Variants in KCTD16 observed in about 807,000 individuals in gnomAD.
The protein encoded by KCTD16 is potassium channel tetramerization domain containing 16.
In KCTD16, 13 loss-of-function variants were observed where a neutral mutation model predicts 33.2. The ratio of observed to expected loss-of-function variants is 0.39; its 90% CI spans 0.25 to 0.62. KCTD16 has a LOEUF of 0.62. Ranked by LOEUF, KCTD16 falls within the 20% of genes least tolerant of loss-of-function variation. The probability of loss-of-function intolerance (pLI) is 0.50; values close to 1 mark genes in which losing one functional copy is unlikely to be tolerated. For missense variants in KCTD16, 441 were observed against 525.1 expected (o/e 0.84, Z 1.57); for synonymous variants, 197 against 195.3 (o/e 1.01, Z -0.07).
chr5:144,244,775 A>G (rs1407464478), intron 3 of KCTD16, among the ~76,000 whole-genome samples: 1 of 152,180 alleles, frequency 6.6e-6, no homozygotes, highest in Non-Finnish European at 1.5e-5. Context: ...TCAGAATTCT[A>G]ACCTTAACTT....
intron 3 of KCTD16, among the ~76,000 whole-genome samples, chr5:144,347,256 T>C (rs1432789306): frequency 2.6e-5 from 4 of 152,140 alleles, no homozygotes; most frequent in African/African-American, 4.8e-5. Context: ...ATGGCTACTG[T>C]ATTGGACAAC....
At chr5:144,230,098 C>T (rs542013736) in intron 3 of KCTD16, among the ~76,000 whole-genome samples, 3 of 152,250 alleles carry the variant, frequency 2.0e-5, no homozygotes, top group South Asian at 2.1e-4. Context: ...GCCAAGATCA[C>T]GCCACTGTAC....
At chr5:144,466,131 C>G (rs1392366241) in intron 3 of KCTD16, among the ~76,000 whole-genome samples, 3 of 152,116 alleles carry the variant, frequency 2.0e-5, no homozygotes, top group African/African-American at 7.2e-5. Flanking sequence ...AGCCAGCCTA[C>G]CCGGCCATAT....
intron 3 of KCTD16, among the ~76,000 whole-genome samples, chr5:144,323,268 T>C (rs1752122808): frequency 6.6e-6 from 1 of 152,222 alleles, no homozygotes; most frequent in South Asian, 2.1e-4. Flanking sequence ...GAGATATTTT[T>C]CTTTTCTATC....
In KCTD16 at chr5:144,332,412, A is replaced by G. The variant is rs564964207; in HGVS notation, c.832+124866A>G. Among the ~76,000 whole-genome samples, 15 of 152,254 alleles carry G rather than the reference A, an allele frequency of 9.9e-5. No homozygotes were observed. The East Asian group carries it at 2.9e-3, about 29-fold the overall frequency. ...CTGAAAGCCTGCATAAGGAGCAGTT[A>G]GCTACCTGATAAATCACCCACCTTG... On this transcript the variant is annotated intron_variant, in intron 3 of 3. Coordinates refer to ENST00000512467, the MANE Select transcript of KCTD16 (RefSeq NM_020768.4).
intron 3 of KCTD16, among the ~76,000 whole-genome samples, chr5:144,292,743 T>C (rs886456754): frequency 6.6e-6 from 1 of 152,124 alleles, no homozygotes; most frequent in African/African-American, 2.4e-5. Flanking sequence ...AGCTGAGAGT[T>C]AGGGAGAAAA....
intron 3 of KCTD16, among the ~76,000 whole-genome samples, chr5:144,209,824 A>G (rs1343571370): frequency 6.8e-6 from 1 of 146,768 alleles, no homozygotes; most frequent in Non-Finnish European, 1.5e-5. Context: ...GTGTATATAT[A>G]TAAATATATA....
At chr5:144,342,084 T>G (rs941032145) in intron 3 of KCTD16, among the ~76,000 whole-genome samples, 13 of 152,188 alleles carry the variant, frequency 8.5e-5, no homozygotes, top group Non-Finnish European at 1.9e-4. Context: ...ATATGAACTT[T>G]AAAGTAGTTT....
chr5:144,379,156 C>T (rs1752156848), intron 3 of KCTD16, among the ~76,000 whole-genome samples: 1 of 152,076 alleles, frequency 6.6e-6, no homozygotes, highest in South Asian at 2.1e-4. Flanking sequence ...TTACGACTAC[C>T]CATGTCTTCC....
At chr5:144,471,877 G>A (rs2127001255) in intron 3 of KCTD16, among the ~76,000 whole-genome samples, 1 of 152,230 alleles carries the variant, frequency 6.6e-6, no homozygotes, top group East Asian at 1.9e-4. Flanking sequence ...GAAAGAGTGG[G>A]TATAATTTAG....
rs1465903800 is a variant in KCTD16 at position 144,477,830 on chromosome 5, A to G, written c.*3716A>G. 2 of 151,882 alleles carry G rather than the reference A, an allele frequency of 1.3e-5. No individual in the cohort carries two copies. Among genetic ancestry groups the G allele is most frequent in the Non-Finnish European group, 1.5e-5 (1 of 67,918 alleles). 9.4% of individuals were successfully genotyped at this position (151,882 alleles called of 1,614,324 possible). On this transcript the variant is annotated 3_prime_UTR_variant, in exon 4 of 4. Transcript: ENST00000512467. Reference sequence around the variant, plus strand: ...GAGTGCTGGTATTTTCTGCCACTATATACCATGCCATGGAATTTGACTAGC... The same window carrying G: ...GAGTGCTGGTATTTTCTGCCACTATGTACCATGCCATGGAATTTGACTAGC...
At chr5:144,212,925 A>C (rs1305799358) in intron 3 of KCTD16, among the ~76,000 whole-genome samples, 20 of 152,164 alleles carry the variant, frequency 1.3e-4, no homozygotes. Context: ...ATTCCTACTT[A>C]CTTTCCCTTT....
intron 3 of KCTD16, among the ~76,000 whole-genome samples, chr5:144,282,809 T>C (rs918514933): frequency 6.6e-6 from 1 of 152,152 alleles, no homozygotes; most frequent in Non-Finnish European, 1.5e-5. Context: ...TAAGAAAGAC[T>C]CTTCAAATCA....
chr5:144,360,118 G>A (rs1320173197), intron 3 of KCTD16, among the ~76,000 whole-genome samples: 2 of 151,938 alleles, frequency 1.3e-5, no homozygotes, highest in Non-Finnish European at 2.9e-5. Flanking sequence ...TATACTTTAA[G>A]TTCTGGGATA....
chr5:144,395,421 A>G (rs1752547265), intron 3 of KCTD16, among the ~76,000 whole-genome samples: 1 of 152,162 alleles, frequency 6.6e-6, no homozygotes, highest in South Asian at 2.1e-4. Context: ...CCTTTCATGG[A>G]GAACTCCTGG....
intron 3 of KCTD16, among the ~76,000 whole-genome samples, chr5:144,232,024 G>A (rs1167205743): frequency 2.0e-5 from 3 of 152,146 alleles, no homozygotes; most frequent in Non-Finnish European, 4.4e-5. Context: ...GCCTTAGGCT[G>A]AACTGTGAAT....
At chr5:144,193,538 C>T (rs925120862) in intron 2 of KCTD16, among the ~76,000 whole-genome samples, 1 of 151,806 alleles carries the variant, frequency 6.6e-6, no homozygotes, top group African/African-American at 2.4e-5. Flanking sequence ...TTAAATATTA[C>T]CTATTCTATT....
intron 3 of KCTD16, among the ~76,000 whole-genome samples, chr5:144,425,242 A>T (rs748576213): frequency 8.5e-5 from 13 of 152,270 alleles, no homozygotes; most frequent in African/African-American, 3.1e-4. Flanking sequence ...CAGAAGGGGG[A>T]AAAACTCAAG....
intron 3 of KCTD16, among the ~76,000 whole-genome samples, chr5:144,217,676 T>C (rs1176630429): frequency 1.3e-5 from 2 of 152,178 alleles, no homozygotes. Flanking sequence ...GAAAATGTCA[T>C]ATCTGTATGC....
Sources: allele counts gnomAD v4.1 joint callset (sites outside exome capture counted in the v4.1 genomes callset), GRCh38; gene constraint gnomAD v4.1.1; transcripts MANE v1.5; gene names NCBI Gene and HGNC (gene_info 2026-07-23, HGNC 2026-07-21).